The following CACNA1G variants were observed in gnomAD, a reference collection of about 807,000 sequenced individuals.
The protein encoded by CACNA1G is voltage-dependent T-type calcium channel subunit alpha-1G.
In CACNA1G, 67 loss-of-function variants were observed where a neutral mutation model predicts 219.4. That is an observed-to-expected ratio of 0.31 (90% CI 0.25 to 0.37). The LOEUF is 0.37. CACNA1G is among the 10% of genes least tolerant of loss of function. CACNA1G has a pLI of 1.00. For synonymous variants in CACNA1G, 1,296 were observed against 1,345.3 expected, an observed-to-expected ratio of 0.96 and a Z score of 0.80; for missense variants, 2,380 against 3,231.4, an observed-to-expected ratio of 0.74 and a Z score of 6.39.
intron 19 of CACNA1G, among the ~76,000 whole-genome samples, chr17:50,601,414 A>G (rs768272682): frequency 6.6e-6 from 1 of 152,068 alleles, no homozygotes; most frequent in Non-Finnish European, 1.5e-5. Flanking sequence ...GTCTCATTCC[A>G]GGCTATTTCT....
intron 36 of CACNA1G, 103 bp from the exon 37 acceptor site, chr17:50,624,257 G>T (rs1247340255): frequency 1.9e-5 from 24 of 1,267,706 alleles, no homozygotes; most frequent in Non-Finnish European, 2.7e-5. Context: ...GCCCTGATGA[G>T]GGGGAGAGAG....
At chr17:50,610,921 G>A (rs1000795265) in intron 26 of CACNA1G, among the ~76,000 whole-genome samples, 1 of 152,066 alleles carries the variant, frequency 6.6e-6, no homozygotes, top group African/African-American at 2.4e-5. Flanking sequence ...CCTTAACACA[G>A]GCAAAGTATA....
chr17:50,586,165 C>T (rs144987694), intron 9 of CACNA1G, among the ~76,000 whole-genome samples: 9 of 152,320 alleles, frequency 5.9e-5, no homozygotes, highest in Admixed American at 2.0e-4. Flanking sequence ...GCCGTCCACA[C>T]GCTGCCACCA....
intron 9 of CACNA1G, among the ~76,000 whole-genome samples, chr17:50,585,565 C>T (rs1222305900): frequency 1.3e-5 from 2 of 152,156 alleles, no homozygotes; most frequent in African/African-American, 4.8e-5. Context: ...GTGGCTAAAG[C>T]CTCTCCTTGG....
At chr17:50,606,405 C>A in intron 23 of CACNA1G, 1 of 596,156 alleles carries the variant, frequency 1.7e-6, no homozygotes. Flanking sequence ...GAGCAGCTGA[C>A]TTACCAGGGC....
intron 19 of CACNA1G, among the ~76,000 whole-genome samples, chr17:50,602,072 G>A (rs779561552): frequency 2.0e-5 from 3 of 152,186 alleles, no homozygotes; most frequent in Non-Finnish European, 4.4e-5. Flanking sequence ...GGCGCTGGCT[G>A]CACTCCAGCC....
rs1374400230 is a variant in CACNA1G at position 50,626,014 on chromosome 17, T to C, written c.6400-3T>C. 1.3e-6 allele frequency: 2 copies of C among 1,599,188 alleles called. No individual in the cohort carries two copies. Among genetic ancestry groups the C allele is most frequent in the Non-Finnish European group, 8.5e-7 (1 of 1,169,816 alleles). On this transcript the variant is annotated splice_region_variant and splice_polypyrimidine_tract_variant and intron_variant, in intron 37 of 37. Transcript: ENST00000359106. This position sits in a 1 kb window ranked among gnomAD's most constrained non-coding sequence, Gnocchi z 4.3. ...GGGCTGAGCCCTCCCCCACCCCATATAGGCAGCAATAAGGACTGACTCCTT... is the reference window on the plus strand; with the variant it reads ...GGGCTGAGCCCTCCCCCACCCCATACAGGCAGCAATAAGGACTGACTCCTT...
In CACNA1G at chr17:50,626,325, G is replaced by A. The variant is rs1378761632; in HGVS notation, c.6708G>A (p.Glu2236=). The change falls in exon 38 of 38, where the codon GAG becomes GAA. Residue 2236 remains glutamate, a synonymous_variant. Coordinates refer to ENST00000359106, the MANE Select transcript of CACNA1G (RefSeq NM_018896.5). The surrounding 1 kb of genome is among the most constrained non-coding windows in gnomAD (Gnocchi z 4.3). ...GDLLPPGGQE[E]PPSPRDLKKC... ...TCCTGCCCCCTGGCGGCCAGGAGGAGCCCCCATCCCCACGGGACCTGAAGA... is the reference window on the plus strand; with the variant it reads ...TCCTGCCCCCTGGCGGCCAGGAGGAACCCCCATCCCCACGGGACCTGAAGA... 2 of 1,613,182 alleles carry A rather than the reference G, an allele frequency of 1.2e-6. No individual in the cohort carries two copies. The highest frequency in any genetic ancestry group is 2.2e-5 in the East Asian group (1 of 44,878).
intron 9 of CACNA1G, among the ~76,000 whole-genome samples, chr17:50,585,070 G>A (rs568529442): frequency 6.6e-6 from 1 of 152,274 alleles, no homozygotes; most frequent in Non-Finnish European, 1.5e-5. Context: ...CAGCCTTTAT[G>A]TGGCCTACTG....
chr17:50,594,637 C>T (rs1021169659), intron 13 of CACNA1G, among the ~76,000 whole-genome samples: 1 of 152,114 alleles, frequency 6.6e-6, no homozygotes, highest in African/African-American at 2.4e-5. Context: ...ATCCTGGAAC[C>T]CACTTCCTAC....
chr17:50,567,510 G>C (rs1365617435), intron 1 of CACNA1G, among the ~76,000 whole-genome samples: 1 of 152,060 alleles, frequency 6.6e-6, no homozygotes, highest in Non-Finnish European at 1.5e-5. Flanking sequence ...GAACATTCCT[G>C]CTGGCCTCTT....
At chr17:50,591,383 A>G in intron 10 of CACNA1G, 52 bp from the exon 11 acceptor site, 1 of 1,445,770 alleles carries the variant, frequency 6.9e-7, no homozygotes, top group Non-Finnish European at 9.2e-7. Flanking sequence ...CCGAGGGAGT[A>G]GGGGGAGAGG....
chr17:50,619,458 A>C (rs2051262763), intron 33 of CACNA1G, among the ~76,000 whole-genome samples: 6 of 144,418 alleles, frequency 4.2e-5, no homozygotes, highest in Admixed American at 6.8e-5. Flanking sequence ...TCCATCTCCC[A>C]TCTCTCCTTC....
At chr17:50,570,137 G>A (rs940486932) in intron 4 of CACNA1G, among the ~76,000 whole-genome samples, 3 of 152,124 alleles carry the variant, frequency 2.0e-5, no homozygotes, top group East Asian at 1.9e-4. Flanking sequence ...AGGAGTGGAC[G>A]CAAAGTGCTA....
intron 9 of CACNA1G, among the ~76,000 whole-genome samples, chr17:50,586,938 C>A (rs1252785747): frequency 2.0e-5 from 3 of 152,102 alleles, no homozygotes; most frequent in African/African-American, 7.2e-5. Flanking sequence ...TCAACATCAG[C>A]ACAGACAAGA....
rs2041202427 is a variant in CACNA1G, at chr17:50,578,493, T to C, written c.2230T>C (p.Tyr744His). Residue 744 changes from tyrosine to histidine, a missense_variant, in exon 9 of 38, where the codon TAC becomes CAC. Coordinates refer to ENST00000359106, the MANE Select transcript of CACNA1G (RefSeq NM_018896.5). The surrounding 1 kb of genome is among the most constrained non-coding windows in gnomAD (Gnocchi z 4.5). ...DTFRKIVDSK[Y>H]FGRGIMIAIL... ...CTTCCGAAAGATTGTGGACAGCAAG[T>C]ACTTTGGCCGGGGAATCATGATCGC... 6.3e-7 allele frequency: 1 copy of C among 1,588,608 alleles called. No individual in the cohort carries two copies. The highest frequency in any genetic ancestry group is 8.6e-7 in the Non-Finnish European group (1 of 1,165,620).
intron 1 of CACNA1G, among the ~76,000 whole-genome samples, chr17:50,565,319 C>T (rs1038307733): frequency 6.6e-6 from 1 of 151,782 alleles, no homozygotes; most frequent in African/African-American, 2.4e-5. Context: ...AAGCCTCTCT[C>T]CCCCTACACC....
chr17:50,578,472 C>T lies in CACNA1G; in HGVS notation c.2209C>T (p.Arg737Ter). 4 of 1,595,248 alleles carry T rather than the reference C, an allele frequency of 2.5e-6. No homozygotes were observed. Among genetic ancestry groups the T allele is most frequent in the Non-Finnish European group, 3.4e-6 (4 of 1,168,484 alleles). The stretch of plus-strand genomic sequence containing the variant: ...CTGGAGGCTAATCTGTGACACCTTC[C>T]GAAAGATTGTGGACAGCAAGTACTT... ...AFWRLICDTF[R>*]KIVDSKYFGR... The change falls in exon 9 of 38, where the codon CGA becomes TGA. Residue 737 changes from arginine to a stop codon, truncating the protein, a stop_gained. Coordinates refer to ENST00000359106, the MANE Select transcript of CACNA1G (RefSeq NM_018896.5). LOFTEE classifies it high-confidence loss of function. The surrounding 1 kb of genome is among the most constrained non-coding windows in gnomAD (Gnocchi z 4.5).
intron 1 of CACNA1G, among the ~76,000 whole-genome samples, chr17:50,562,287 G>A (rs1422870536): frequency 1.3e-5 from 2 of 152,216 alleles, no homozygotes; most frequent in Middle Eastern, 3.4e-3. Flanking sequence ...GACCTAGAAG[G>A]AGATGTTGGG....
Sources: allele counts gnomAD v4.1 joint callset (sites outside exome capture counted in the v4.1 genomes callset), GRCh38; gene constraint gnomAD v4.1.1; non-coding constraint Gnocchi (gnomAD v3.1); transcripts MANE v1.5; gene names NCBI Gene and HGNC (gene_info 2026-07-23, HGNC 2026-07-21).